Variants in STK39 observed in about 807,000 individuals in gnomAD.
STK39 encodes the protein STE20/SPS1-related proline-alanine-rich protein kinase.
A neutral mutation model predicts 77.8 loss-of-function variants in STK39; 20 were observed. The ratio of observed to expected loss-of-function variants is 0.26; its 90% confidence interval spans 0.18 to 0.37. The LOEUF is 0.37. STK39 is among the 10% of genes least tolerant of loss of function. The pLI is 1.00. For missense variants in STK39, 479 were observed against 656.5 expected, an observed-to-expected ratio of 0.73 and a Z score of 2.95; for synonymous variants, 246 against 234.1, an observed-to-expected ratio of 1.05 and a Z score of -0.47.
At chr2:168,030,141 G>A (rs1684798440) in intron 14 of STK39, among the ~76,000 whole-genome samples, 2 of 152,310 alleles carry the variant, frequency 1.3e-5, no homozygotes, top group Admixed American at 1.3e-4. Context: ...TCGGAAGGCT[G>A]AGGCAGGAGA....
intron 10 of STK39, among the ~76,000 whole-genome samples, chr2:168,095,619 CTT>C (rs1444349019): frequency 5.7e-5 from 4 of 70,108 alleles, no homozygotes; most frequent in African/African-American, 2.5e-4. Flanking sequence ...TCGTGTATCT[CTT>C]TCTTTTTTTT....
chr2:167,961,041 C>G (rs1574346523), intron 17 of STK39, among the ~76,000 whole-genome samples: 1 of 152,168 alleles, frequency 6.6e-6, no homozygotes, highest in Admixed American at 6.5e-5. Flanking sequence ...GACAGCCACT[C>G]TTTTAGGCTG....
chr2:168,038,779 C>T (rs1210796785), intron 14 of STK39, among the ~76,000 whole-genome samples: 1 of 151,992 alleles, frequency 6.6e-6, no homozygotes, highest in Non-Finnish European at 1.5e-5. Flanking sequence ...ACATACATGG[C>T]TAAGAAACAC....
intron 10 of STK39, among the ~76,000 whole-genome samples, chr2:168,089,959 T>C (rs1175318473): frequency 6.6e-6 from 1 of 152,188 alleles, no homozygotes; most frequent in African/African-American, 2.4e-5. Context: ...AATAAGCTAT[T>C]TGGTTTGGTC....
intron 1 of STK39, among the ~76,000 whole-genome samples, chr2:168,240,727 AG>A: frequency 6.6e-6 from 1 of 152,270 alleles, no homozygotes; most frequent in Non-Finnish European, 1.5e-5. Context: ...GACATTAAAA[AG>A]GTAGTCCAAA....
At chr2:168,100,014 GGGAAAAAAA>G (rs943637101) in intron 10 of STK39, among the ~76,000 whole-genome samples, 4 of 152,048 alleles carry the variant, frequency 2.6e-5, no homozygotes, top group Non-Finnish European at 4.4e-5. Flanking sequence ...AGGCCACATG[GGGAAAAAAA>G]GGAAAAAAGC....
At chr2:168,172,802 T>C (rs1290264970) in intron 2 of STK39, among the ~76,000 whole-genome samples, 1 of 152,224 alleles carries the variant, frequency 6.6e-6, no homozygotes, top group Non-Finnish European at 1.5e-5. Context: ...CCTACTCAAG[T>C]ACTTAGTTAA....
chr2:168,007,933 C>T (rs1427535874), intron 16 of STK39, among the ~76,000 whole-genome samples: 3 of 152,096 alleles, frequency 2.0e-5, no homozygotes, highest in Admixed American at 6.6e-5. Context: ...TTAAAATGCA[C>T]GATTCAGTGG....
At chr2:168,089,449 G>A (rs766113422) in intron 10 of STK39, among the ~76,000 whole-genome samples, 2 of 152,198 alleles carry the variant, frequency 1.3e-5, no homozygotes, top group South Asian at 4.1e-4. Flanking sequence ...GTACAAAGAT[G>A]TGACTTTCAA....
At chr2:168,231,959 A>G in intron 1 of STK39, 2 of 238,066 alleles carry the variant, frequency 8.4e-6, no homozygotes, top group South Asian at 1.6e-4. Flanking sequence ...CATTCACAGA[A>G]GAGATCTGTC....
At chr2:168,211,003 G>A (rs1689877174) in intron 1 of STK39, among the ~76,000 whole-genome samples, 2 of 151,988 alleles carry the variant, frequency 1.3e-5, no homozygotes, top group South Asian at 4.1e-4. Context: ...ATGGTGAGTA[G>A]TCATTATATG....
At chr2:168,189,801 G>A (rs1689294888) in intron 1 of STK39, among the ~76,000 whole-genome samples, 1 of 152,156 alleles carries the variant, frequency 6.6e-6, no homozygotes, top group Admixed American at 6.5e-5. Context: ...CAGAGGTTCA[G>A]CCCCTCAAAG....
chr2:168,235,062 G>C (rs550540630), intron 1 of STK39, among the ~76,000 whole-genome samples: 221 of 144,506 alleles, frequency 1.5e-3, no homozygotes, highest in Non-Finnish European at 2.8e-3. Context: ...TTTTGAAACA[G>C]AGTCTCACTC....
intron 1 of STK39, among the ~76,000 whole-genome samples, chr2:168,232,422 T>C (rs367901964): frequency 1.3e-5 from 2 of 152,330 alleles, no homozygotes; most frequent in African/African-American, 4.8e-5. Context: ...AGGAAATATT[T>C]AATTTTAAAC....
chr2:168,064,507 A>G (rs980963305), intron 13 of STK39, among the ~76,000 whole-genome samples: 3 of 152,182 alleles, frequency 2.0e-5, no homozygotes, highest in African/African-American at 7.2e-5. Context: ...AAGCTATAAA[A>G]TAAGGGCCCC....
chr2:168,241,681 C>G (rs1342633360), intron 1 of STK39, among the ~76,000 whole-genome samples: 1 of 152,248 alleles, frequency 6.6e-6, no homozygotes, highest in East Asian at 1.9e-4. Context: ...AATCTTCAAG[C>G]CACTCCAGAA....
intron 16 of STK39, among the ~76,000 whole-genome samples, chr2:167,981,541 T>C (rs574155549): frequency 1.3e-3 from 196 of 152,288 alleles, no homozygotes; most frequent in African/African-American, 4.6e-3. Flanking sequence ...AGAGAAGAAT[T>C]CTAGGAAAGT....
At chr2:167,978,958 T>C (rs1352561389) in intron 16 of STK39, among the ~76,000 whole-genome samples, 1 of 152,224 alleles carries the variant, frequency 6.6e-6, no homozygotes, top group Non-Finnish European at 1.5e-5. Flanking sequence ...ATGATTATTT[T>C]TTATTGAGCA....
chr2:168,222,017 C>T (rs946634183), intron 1 of STK39, among the ~76,000 whole-genome samples: 1 of 152,174 alleles, frequency 6.6e-6, no homozygotes. Flanking sequence ...ACCCACATGG[C>T]ACCTTGAACT....
Sources: allele counts gnomAD v4.1 joint callset (sites outside exome capture counted in the v4.1 genomes callset), GRCh38; gene constraint gnomAD v4.1.1; transcripts MANE v1.5; gene names NCBI Gene and HGNC (gene_info 2026-07-23, HGNC 2026-07-21).